The following SAXO4 variants were observed in gnomAD, a reference collection of about 807,000 sequenced individuals.
SAXO4 encodes the protein stabilizer of axonemal microtubules 4.
the SAXO4 span, chr11:61,485,373 G>C: frequency 6.2e-7 from 1 of 1,614,050 alleles, no homozygotes; most frequent in Non-Finnish European, 8.5e-7. Flanking sequence ...ACAATTCCAA[G>C]TATCTCAGGG....
At chr11:61,484,792 G>A in the SAXO4 span, 61 of 1,603,850 alleles carry the variant, frequency 3.8e-5, no homozygotes, top group Middle Eastern at 1.8e-4. Context: ...GCCAGGACCC[G>A]CTGGAGCGGG....
the SAXO4 span, chr11:61,486,495 G>C: frequency 6.2e-7 from 1 of 1,611,212 alleles, no homozygotes; most frequent in Admixed American, 1.7e-5. Context: ...GCCACATCCT[G>C]GTGCCAGTGG....
chr11:61,482,883 G>A, the SAXO4 span: 1 of 1,451,750 alleles, frequency 6.9e-7, no homozygotes, highest in Non-Finnish European at 9.1e-7. Flanking sequence ...CCAACAGTTG[G>A]TCAAGGTGGA....
the SAXO4 span, among the ~76,000 whole-genome samples, chr11:61,488,297 A>AT: frequency 7.8e-3 from 854 of 109,468 alleles, 5 homozygotes; most frequent in Admixed American, 0.013. Context: ...AAGAAGTACA[A>AT]TTCCTTTTTT....
the SAXO4 span, chr11:61,486,867 C>T: frequency 8.4e-7 from 1 of 1,188,194 alleles, no homozygotes; most frequent in Non-Finnish European, 1.3e-6. Flanking sequence ...GCTGTGTGTG[C>T]CTCTGCCTGC....
chr11:61,481,759 G>C, the SAXO4 span: 1 of 1,085,532 alleles, frequency 9.2e-7, no homozygotes, highest in Non-Finnish European at 1.3e-6. Flanking sequence ...GGACCCATGA[G>C]GCTCCCCGTG....
chr11:61,484,923 C>A, the SAXO4 span: 2 of 1,379,204 alleles, frequency 1.5e-6, no homozygotes, highest in Non-Finnish European at 1.9e-6. Flanking sequence ...AAGAAGCCAG[C>A]TCAGGGTGGG....
the SAXO4 span, chr11:61,481,986 G>A: frequency 1.8e-6 from 2 of 1,113,336 alleles, no homozygotes; most frequent in Non-Finnish European, 2.6e-6. Context: ...CTCTCTGAGG[G>A]AGGAGCAGAC....
At chr11:61,485,835 G>T in the SAXO4 span, 1 of 1,614,050 alleles carries the variant, frequency 6.2e-7, no homozygotes, top group African/African-American at 1.3e-5. Flanking sequence ...GCAAAGGAGG[G>T]GAGTGGCTTC....
chr11:61,487,899 C>T, the SAXO4 span, among the ~76,000 whole-genome samples: 2 of 152,048 alleles, frequency 1.3e-5, no homozygotes, highest in African/African-American at 2.4e-5. Context: ...AGGAGGTGGC[C>T]CCAGAGCCAT....
chr11:61,487,351 G>T, the SAXO4 span: 1 of 938,760 alleles, frequency 1.1e-6, no homozygotes, highest in East Asian at 2.4e-5. Context: ...GAGTGAATAT[G>T]GGTTCCCCAG....
At chr11:61,489,740 G>C in the SAXO4 span, 1 of 1,607,924 alleles carries the variant, frequency 6.2e-7, no homozygotes, top group Admixed American at 1.7e-5. Context: ...GCAGAGGTGG[G>C]CAGAGTCCAG....
chr11:61,488,101 C>T, the SAXO4 span, among the ~76,000 whole-genome samples: 1 of 150,850 alleles, frequency 6.6e-6, no homozygotes, highest in Non-Finnish European at 1.5e-5. Flanking sequence ...ATCCTCCTGT[C>T]TCACCCTCCT....
At chr11:61,482,485 G>T in the SAXO4 span, 4 of 1,577,574 alleles carry the variant, frequency 2.5e-6, 1 homozygote, top group Admixed American at 3.4e-5. Flanking sequence ...CCAACTCCAG[G>T]TTCCTTGGAT....
chr11:61,489,812 C>G, the SAXO4 span: 1 of 1,614,032 alleles, frequency 6.2e-7, no homozygotes, highest in Non-Finnish European at 8.5e-7. Context: ...AGGGTCTAGA[C>G]CAGGAAGGCT....
the SAXO4 span, chr11:61,486,590 G>A: frequency 6.2e-7 from 1 of 1,614,168 alleles, no homozygotes; most frequent in Non-Finnish European, 8.5e-7. Flanking sequence ...CCGAGGGAAT[G>A]AAAGGATTCT....
At chr11:61,486,869 T>C in the SAXO4 span, 1 of 1,221,880 alleles carries the variant, frequency 8.2e-7, no homozygotes, top group South Asian at 1.2e-5. Flanking sequence ...TGTGTGTGCC[T>C]CTGCCTGCTC....
chr11:61,486,411 GA>G, the SAXO4 span: 1 of 1,614,128 alleles, frequency 6.2e-7, no homozygotes, highest in South Asian at 1.1e-5. Context: ...CATGTAAGCT[GA>G]GCTAGGGGGA....
chr11:61,485,906 G>A, the SAXO4 span: 4 of 1,612,332 alleles, frequency 2.5e-6, no homozygotes, highest in Admixed American at 6.7e-5. Flanking sequence ...CCTCCCTGGG[G>A]ACCCTGTAAG....
Sources: gnomAD v4.1 joint callset for allele counts (sites outside exome capture counted in the v4.1 genomes callset) on GRCh38, gnomAD v4.1.1 for gene constraint, MANE v1.5 for transcripts, NCBI Gene and HGNC (gene_info 2026-07-23, HGNC 2026-07-21) for gene names.